Variants in CCDC13 observed in about 807,000 individuals in gnomAD.
CCDC13 encodes coiled-coil domain containing 13.
A neutral mutation model predicts 87.3 loss-of-function variants in CCDC13; 70 were observed. The observed-to-expected ratio is 0.80, with a 90% CI of 0.66 to 0.98. The LOEUF is 0.98. Ranked by LOEUF, CCDC13 falls within the 50% of genes least tolerant of loss-of-function variation. The pLI, the probability that CCDC13 is intolerant of heterozygous loss-of-function variation, is 0.00. For missense variants in CCDC13, 842 were observed against 892.0 expected (o/e 0.94, Z 0.71); for synonymous variants, 317 against 360.3 (o/e 0.88, Z 1.36).
chr3:42,771,045 A>C (rs1229794967), intron 1 of CCDC13: 1 of 152,234 alleles, frequency 6.6e-6, no homozygotes, highest in African/African-American at 2.4e-5. Flanking sequence ...ATAATTACCA[A>C]AAATGAGAAA....
intron 13 of CCDC13, among the ~76,000 whole-genome samples, chr3:42,725,384 A>G (rs995192578): frequency 1.3e-5 from 2 of 152,126 alleles, no homozygotes; most frequent in African/African-American, 4.8e-5. Flanking sequence ...AAATATAAAA[A>G]TTAGCCAGGC....
intron 14 of CCDC13, among the ~76,000 whole-genome samples, chr3:42,712,743 A>C (rs1190888829): frequency 6.6e-6 from 1 of 152,190 alleles, no homozygotes; most frequent in Non-Finnish European, 1.5e-5. Context: ...CTTCCTGCTT[A>C]TATCAACTTG....
chr3:42,709,406 C>T (rs182556571), intron 15 of CCDC13, among the ~76,000 whole-genome samples: 148 of 152,306 alleles, frequency 9.7e-4, no homozygotes, highest in South Asian at 1.9e-3. Flanking sequence ...CCCATGGCTG[C>T]GTGGGGTCTT....
At chr3:42,736,968 G>A (rs1050748703) in intron 9 of CCDC13, among the ~76,000 whole-genome samples, 8 of 152,148 alleles carry the variant, frequency 5.3e-5, no homozygotes, top group Non-Finnish European at 1.2e-4. Context: ...CAACGTGCAG[G>A]TTTGATACAT....
intron 8 of CCDC13, among the ~76,000 whole-genome samples, chr3:42,740,433 T>C (rs534457351): frequency 3.1e-4 from 47 of 152,118 alleles, no homozygotes; most frequent in African/African-American, 1.0e-3. Flanking sequence ...TTTCCTGAGG[T>C]TTCCTACTAT....
intron 1 of CCDC13, chr3:42,770,585 G>GC (rs1233274686): frequency 2.6e-5 from 4 of 152,266 alleles, no homozygotes; most frequent in African/African-American, 7.2e-5. Context: ...AAAGCAGGCT[G>GC]CCCCAGGCAG....
Position 42,708,164 on chromosome 3 carries a change from G to A in CCDC13, c.*816C>T, listed in dbSNP as rs1698219119. ...TGCCTCTTGGAGCTGCTGCCTAGGG[G>A]TGGGGTTGTTCAGTGGTGGGTGGGT... On this transcript the variant is annotated 3_prime_UTR_variant, in exon 16 of 16. Coordinates refer to ENST00000310232, the MANE Select transcript of CCDC13 (RefSeq NM_144719.4). 6.6e-6 allele frequency: 1 copy of A among 152,176 alleles called. No homozygotes were observed. The highest frequency in any genetic ancestry group is 1.5e-5 in the Non-Finnish European group (1 of 68,060). The allele number at this position is 152,176 out of a possible 1,614,324, so 9.4% of individuals were successfully genotyped here.
intron 2 of CCDC13, 30 bp downstream of exon 2, chr3:42,758,090 CACACA>C: frequency 1.9e-6 from 3 of 1,564,080 alleles, no homozygotes; most frequent in Non-Finnish European, 1.8e-6. Context: ...CACACACACA[CACACA>C]CCCCTGAGAG....
At position 42,709,034 on chromosome 3, in the gene CCDC13, C is replaced by T. The variant is rs1698239585; in HGVS notation, c.2094G>A (p.Gln698=). The change falls in exon 16 of 16, where the codon CAG becomes CAA. Residue 698 remains glutamine, a synonymous_variant. Transcript: ENST00000310232. ...GGGCCTGCAGGAAGACACTTTTCAC[C>T]TGGCCCAGGATCTCATGGTACATCC... ...DFRMYHEILG[Q]VKSVFLQALR... The T allele has an allele frequency of 1.9e-6, 3 of 1,613,934 alleles. No homozygotes were observed. The African/African-American group carries it at 4.0e-5, about 22-fold the overall frequency.
intron 12 of CCDC13, 68 bp from the exon 13 acceptor site, chr3:42,730,657 ATG>A: frequency 6.3e-7 from 1 of 1,583,892 alleles, no homozygotes; most frequent in South Asian, 1.1e-5. Flanking sequence ...TACCCCTGTG[ATG>A]GTTGGAGGGA....
chr3:42,739,258 G>T (rs1428853260), intron 9 of CCDC13, among the ~76,000 whole-genome samples: 5 of 152,166 alleles, frequency 3.3e-5, no homozygotes, highest in Non-Finnish European at 5.9e-5. Context: ...GAAGAGGAAG[G>T]GTTCTGTGCC....
At chr3:42,733,689 T>C (rs1429731885) in intron 10 of CCDC13, 80 bp from the exon 11 acceptor site, 7 of 1,494,714 alleles carry the variant, frequency 4.7e-6, no homozygotes, top group Non-Finnish European at 6.2e-6. Context: ...CTTGGCTTGA[T>C]TTCGGGGCTT....
At chr3:42,728,261 C>T in intron 13 of CCDC13, among the ~76,000 whole-genome samples, 1 of 152,298 alleles carries the variant, frequency 6.6e-6, no homozygotes, top group Non-Finnish European at 1.5e-5. Context: ...GTGGGGGCAG[C>T]CACGCAGAGC....
In CCDC13 at chr3:42,730,608, G is replaced by A. The variant is rs1378361750; in HGVS notation, c.1596-19C>T. The A allele has an allele frequency of 6.2e-7, 1 of 1,610,944 alleles. No individual in the cohort carries two copies. Among genetic ancestry groups the A allele is most frequent in the Non-Finnish European group, 8.5e-7 (1 of 1,177,470 alleles). ...CGAGAACCTGGGACCAGGGTGGAGG[G>A]CAGAGGGCAGAGGTCATCCGAGGCC... On this transcript the variant is annotated intron_variant, in intron 12 of 15. Transcript: ENST00000310232.
intron 8 of CCDC13, among the ~76,000 whole-genome samples, chr3:42,741,358 A>G (rs977383781): frequency 3.3e-5 from 5 of 152,060 alleles, no homozygotes; most frequent in African/African-American, 9.7e-5. Context: ...TCTGCCTTCC[A>G]TTCCTCTTCC....
Position 42,769,741 on chromosome 3 carries a change from C to T in CCDC13, c.-7+3435G>A, listed in dbSNP as rs551335303. ...GAGGTGCCGGTGAGAACTGGGGCTG[C>T]GCGCAGCGCTTGCCGGCCAGTGAGG... On this transcript the variant is annotated intron_variant, in intron 1 of 15. Transcript: ENST00000310232. Among the ~76,000 whole-genome samples, 21 of 152,330 alleles carry T rather than the reference C, an allele frequency of 1.4e-4. No individual in the cohort carries two copies. In the South Asian group the frequency reaches 2.9e-3, roughly 21 times the overall value.
chr3:42,719,057 A>G (rs1698496455), intron 13 of CCDC13: 1 of 152,242 alleles, frequency 6.6e-6, no homozygotes, highest in Non-Finnish European at 1.5e-5. Context: ...TCCTCTCAGT[A>G]AAGTTCCTCT....
At position 42,733,517 on chromosome 3, in the gene CCDC13, C is replaced by A. The variant is rs1312894180; in HGVS notation, c.1464G>T (p.Lys488Asn). 2 of 1,614,006 alleles carry A rather than the reference C, an allele frequency of 1.2e-6. No individual in the cohort carries two copies. The highest frequency in any genetic ancestry group is 2.2e-5 in the East Asian group (1 of 44,870). The change falls in exon 11 of 16, where the codon AAG (lysine) becomes AAT (asparagine). Residue 488 changes from lysine (K) to asparagine (N), a missense_variant. Lys to Asn is a moderately conservative substitution (Grantham distance 94, BLOSUM62 0). Coordinates refer to ENST00000310232, the MANE Select transcript of CCDC13 (RefSeq NM_144719.4). ...CATGATCGCCTGCTGAGGCCGGGGA[C>A]TTGGTCAGGCCTGGGTCCTCCAGGA... ...TQFLEDPGLT[K>N]SPASAGDHVG...
At chr3:42,757,687 G>A (rs761627320) in intron 2 of CCDC13, among the ~76,000 whole-genome samples, 1 of 152,094 alleles carries the variant, frequency 6.6e-6, no homozygotes, top group African/African-American at 2.4e-5. Context: ...ATTCCAGCCC[G>A]GGTGACAGTA....
Sources: allele counts gnomAD v4.1 joint callset (sites outside exome capture counted in the v4.1 genomes callset), GRCh38; gene constraint gnomAD v4.1.1; transcripts MANE v1.5; gene names NCBI Gene and HGNC (gene_info 2026-07-23, HGNC 2026-07-21).